SLC26A5: variants seen among roughly 807,000 people sequenced by gnomAD.
SLC26A5 encodes solute carrier family 26 member 5, also known as prestin.
A neutral mutation model predicts 81.0 loss-of-function variants in SLC26A5; 51 were observed. The ratio of observed to expected loss-of-function variants is 0.63; its 90% CI spans 0.50 to 0.80. The LOEUF (loss-of-function observed/expected upper bound fraction) is 0.80. Ranked by LOEUF, SLC26A5 falls within the 30% of genes least tolerant of loss-of-function variation. The probability of loss-of-function intolerance (pLI) is 0.00; values close to 1 mark genes in which losing one functional copy is unlikely to be tolerated. For missense variants in SLC26A5, 771 were observed against 905.8 expected (o/e 0.85, Z 1.91); for synonymous variants, 325 against 332.8 (o/e 0.98, Z 0.25).
chr7:103,369,451 C>T (rs1820899693), downstream of SLC26A5: 1 of 152,202 alleles, frequency 6.6e-6, no homozygotes, highest in African/African-American at 2.4e-5. Flanking sequence ...CAATTAAAGA[C>T]AACTCGAATT....
At chr7:103,386,790 T>C (rs1483941059) in intron 14 of SLC26A5, among the ~76,000 whole-genome samples, 1 of 152,038 alleles carries the variant, frequency 6.6e-6, no homozygotes, top group Non-Finnish European at 1.5e-5. Context: ...TTGAGACGTG[T>C]GTCACTCTGT....
At chr7:103,420,400 ATCC>A (rs1203841138) in intron 4 of SLC26A5, among the ~76,000 whole-genome samples, 5 of 148,070 alleles carry the variant, frequency 3.4e-5, no homozygotes, top group African/African-American at 1.3e-4. Flanking sequence ...GGCTCAAATG[ATCC>A]TCCTATGTCA....
At chr7:103,423,649 C>T (rs893938310) in intron 2 of SLC26A5, among the ~76,000 whole-genome samples, 11 of 152,146 alleles carry the variant, frequency 7.2e-5, no homozygotes, top group Non-Finnish European at 1.6e-4. Context: ...ATACAGTGTT[C>T]CTCCTCTCTA....
rs1188853216 is a variant in SLC26A5, at chr7:103,367,340, G to A, written c.2041+9468C>T. 4.9e-6 allele frequency: 7 copies of A among 1,417,232 alleles called. No homozygotes were observed. The highest frequency in any genetic ancestry group is 6.9e-6 in the Non-Finnish European group (7 of 1,010,896). 87.8% of individuals were successfully genotyped at this position (1,417,232 alleles called of 1,614,324 possible). A position where few individuals can be genotyped will look rare whatever the true frequency, so the allele number is the denominator to read the frequency against. On this transcript the variant is annotated intron_variant, in intron 19 of 19. Coordinates refer to the SLC26A5 transcript ENST00000339444. The surrounding 1 kb of genome is among the most constrained non-coding windows in gnomAD (Gnocchi z 6.1). ...GGACATGATTTGAGCTGAGATTTTTGGTACTTTCAGGTCATGCATAGTGCT... is the reference window on the plus strand; with the variant it reads ...GGACATGATTTGAGCTGAGATTTTTAGTACTTTCAGGTCATGCATAGTGCT...
Position 103,378,491 on chromosome 7 carries a change from C to T in SLC26A5, c.1740G>A (p.Lys580=). Residue 580 remains lysine (K), a synonymous_variant, in exon 17 of 20, where the codon AAG becomes AAA. Transcript: ENST00000306312. The part of the protein sequence containing the change: ...ARRKAMRKYA[K]EVGNANMANA... ...TGGCCATATTTGCATTTCCGACTTC[C>T]TTAGCGTACTTCCGCATGGCCTTTC... 1 of 1,614,178 alleles carries T rather than the reference C, an allele frequency of 6.2e-7. No homozygotes were observed. Among genetic ancestry groups the T allele is most frequent in the Non-Finnish European group, 8.5e-7 (1 of 1,180,008 alleles).
intron 14 of SLC26A5, among the ~76,000 whole-genome samples, chr7:103,384,214 C>T (rs1192726521): frequency 6.6e-6 from 1 of 151,998 alleles, no homozygotes; most frequent in African/African-American, 2.4e-5. Flanking sequence ...AAACTCCTCG[C>T]CTCAGCAATC....
intron 9 of SLC26A5, among the ~76,000 whole-genome samples, chr7:103,396,612 G>T (rs1426091457): frequency 6.6e-6 from 1 of 152,164 alleles, no homozygotes; most frequent in Non-Finnish European, 1.5e-5. Flanking sequence ...CTTACATGAG[G>T]CATCTAGAGA....
At chr7:103,439,715 G>C (rs969362956) in intron 2 of SLC26A5, among the ~76,000 whole-genome samples, 1 of 152,118 alleles carries the variant, frequency 6.6e-6, no homozygotes, top group Non-Finnish European at 1.5e-5. Context: ...TGTGTTTTTA[G>C]TAGAAATGGG....
intron 8 of SLC26A5, among the ~76,000 whole-genome samples, chr7:103,406,882 G>A (rs1270079618): frequency 1.3e-5 from 2 of 152,088 alleles, no homozygotes; most frequent in African/African-American, 4.8e-5. Flanking sequence ...CGAACTCCTG[G>A]CCTCAAGTGA....
Position 103,421,580 on chromosome 7 carries a change from A to AT in SLC26A5, c.-53-14_-53-13insA, listed in dbSNP as rs1397964461. 55 of 1,554,958 alleles carry AT rather than the reference A, an allele frequency of 3.5e-5. 1 individual carries two copies. The highest frequency in any genetic ancestry group is 4.7e-5 in the Non-Finnish European group (53 of 1,131,022). ...TTCCTGAGTGTCACTAGGGGAAAAA[A>AT]GAAAAACTCCATTTTACTTGCCAAA... On this transcript the variant is annotated splice_polypyrimidine_tract_variant and intron_variant, in intron 2 of 19. Transcript: ENST00000306312.
intron 2 of SLC26A5, among the ~76,000 whole-genome samples, chr7:103,428,412 CA>C (rs1364246481): frequency 1.3e-5 from 2 of 152,068 alleles, no homozygotes; most frequent in Non-Finnish European, 2.9e-5. Context: ...GACTGACATA[CA>C]AAAAGCTGTA....
intron 2 of SLC26A5, among the ~76,000 whole-genome samples, chr7:103,433,161 C>A (rs1826201615): frequency 6.6e-6 from 1 of 152,094 alleles, no homozygotes; most frequent in Non-Finnish European, 1.5e-5. Context: ...CTCCTGTGGG[C>A]CTGAAGCCAA....
intron 8 of SLC26A5, among the ~76,000 whole-genome samples, chr7:103,405,930 C>T (rs546387020): frequency 1.3e-5 from 2 of 152,282 alleles, no homozygotes; most frequent in Admixed American, 6.5e-5. Context: ...TGCTGAGCTG[C>T]GGTGGAATCC....
intron 16 of SLC26A5, among the ~76,000 whole-genome samples, chr7:103,378,984 T>C (rs957516527): frequency 5.3e-5 from 8 of 152,154 alleles, no homozygotes; most frequent in Admixed American, 5.2e-4. Flanking sequence ...GTTTGAAAAG[T>C]AATATTATAT....
At chr7:103,374,080 A>G (rs561147798), downstream of SLC26A5, 90 of 686,536 alleles carry the variant, frequency 1.3e-4, no homozygotes, top group African/African-American at 1.6e-3. Flanking sequence ...ACAAAGAACC[A>G]CTATGTAATA....
intron 2 of SLC26A5, among the ~76,000 whole-genome samples, chr7:103,439,928 C>A (rs1353656434): frequency 6.6e-6 from 1 of 152,228 alleles, no homozygotes; most frequent in African/African-American, 2.4e-5. Context: ...TCGTAACTTC[C>A]TCCTTCACCA....
At chr7:103,400,503 C>A (rs540156006) in intron 8 of SLC26A5, among the ~76,000 whole-genome samples, 3 of 152,234 alleles carry the variant, frequency 2.0e-5, no homozygotes, top group African/African-American at 4.8e-5. Context: ...AAAATTTTCT[C>A]CCATTCTGTA....
rs555208216 is a variant in SLC26A5 at position 103,411,628 on chromosome 7, G to GT, written c.404-43dup. 326 of 1,610,078 alleles carry GT rather than the reference G, an allele frequency of 2.0e-4. 2 individuals are homozygous for GT. In the African/African-American group the frequency reaches 4.0e-3, roughly 20 times the overall value. ...TGAAGATCCCTGTTCAGGGTTCAGAGTATCTGATATGGTTTTTGCCAGTAC... is the reference window on the plus strand; with the variant it reads ...TGAAGATCCCTGTTCAGGGTTCAGAGTTATCTGATATGGTTTTTGCCAGTAC... On this transcript the variant is annotated intron_variant, in intron 5 of 19. Transcript: ENST00000306312.
intron 14 of SLC26A5, among the ~76,000 whole-genome samples, chr7:103,388,016 C>A (rs1822332837): frequency 6.6e-6 from 1 of 151,968 alleles, no homozygotes; most frequent in African/African-American, 2.4e-5. Context: ...GTTTCCTTTT[C>A]ATCTTTATGG....
Sources: gnomAD v4.1 joint callset for allele counts (sites outside exome capture counted in the v4.1 genomes callset) on GRCh38, gnomAD v4.1.1 for gene constraint, Gnocchi (gnomAD v3.1) non-coding constraint, MANE v1.5 for transcripts, NCBI Gene and HGNC (gene_info 2026-07-23, HGNC 2026-07-21) for gene names.